Variants in CACNG2 observed in about 807,000 individuals in gnomAD.
CACNG2 encodes the protein voltage-dependent calcium channel gamma-2 subunit.
In CACNG2, 3 loss-of-function variants were observed where a neutral mutation model predicts 25.9. The observed-to-expected ratio is 0.12, with a 90% CI of 0.05 to 0.30. The LOEUF is 0.30. CACNG2 is among the 10% of genes least tolerant of loss of function. CACNG2 has a pLI of 1.00. For missense variants in CACNG2, 341 were observed against 432.5 expected, an observed-to-expected ratio of 0.79 and a Z score of 1.88; for synonymous variants, 167 against 173.3, an observed-to-expected ratio of 0.96 and a Z score of 0.29.
chr22:36,674,010 C>T (rs1936990452), intron 1 of CACNG2, among the ~76,000 whole-genome samples: 1 of 152,188 alleles, frequency 6.6e-6, no homozygotes, highest in East Asian at 1.9e-4. Context: ...TGGTGTGCCG[C>T]GGGCAGCCGT....
intron 2 of CACNG2, among the ~76,000 whole-genome samples, chr22:36,572,701 A>C (rs887642152): frequency 6.6e-6 from 1 of 150,536 alleles, no homozygotes; most frequent in African/African-American, 2.5e-5. Flanking sequence ...AGAGTGAGTG[A>C]GACTCCATCT....
chr22:36,693,163 G>A (rs1409736145), intron 1 of CACNG2, among the ~76,000 whole-genome samples: 1 of 152,092 alleles, frequency 6.6e-6, no homozygotes, highest in African/African-American at 2.4e-5. Flanking sequence ...GAAAAAAGGG[G>A]ACAGGACTTG....
At chr22:36,651,523 C>T (rs1457657960) in intron 1 of CACNG2, among the ~76,000 whole-genome samples, 2 of 152,140 alleles carry the variant, frequency 1.3e-5, no homozygotes, top group African/African-American at 2.4e-5. Context: ...GCCACTGAAC[C>T]TGGCCAATAA....
At chr22:36,684,934 G>A (rs115262906) in intron 1 of CACNG2, among the ~76,000 whole-genome samples, 5 of 152,128 alleles carry the variant, frequency 3.3e-5, no homozygotes, top group Non-Finnish European at 5.9e-5. Context: ...CAATCAATCC[G>A]GGAAGAAAGT....
At chr22:36,648,678 C>T (rs1313254959) in intron 1 of CACNG2, among the ~76,000 whole-genome samples, 2 of 152,186 alleles carry the variant, frequency 1.3e-5, no homozygotes, top group African/African-American at 4.8e-5. Context: ...ATTTCTTTAT[C>T]TGATTGAAGT....
At chr22:36,637,757 C>T (rs766277297) in intron 1 of CACNG2, among the ~76,000 whole-genome samples, 5 of 152,120 alleles carry the variant, frequency 3.3e-5, no homozygotes, top group Admixed American at 1.3e-4. Context: ...CGGTGGCTCA[C>T]GCCTGTAATC....
At chr22:36,590,498 C>T (rs1603501019) in intron 1 of CACNG2, among the ~76,000 whole-genome samples, 2 of 152,210 alleles carry the variant, frequency 1.3e-5, no homozygotes, top group East Asian at 1.9e-4. Context: ...ATCTCTTCCT[C>T]CTCCCTGCAG....
intron 2 of CACNG2, among the ~76,000 whole-genome samples, chr22:36,580,943 A>C (rs1005932087): frequency 6.6e-6 from 1 of 152,134 alleles, no homozygotes; most frequent in Non-Finnish European, 1.5e-5. Flanking sequence ...ACTCAAACAC[A>C]CAGACATGCG....
intron 1 of CACNG2, among the ~76,000 whole-genome samples, chr22:36,676,305 G>A (rs368707974): frequency 2.6e-5 from 4 of 152,268 alleles, no homozygotes; most frequent in South Asian, 2.1e-4. Flanking sequence ...GAATCTTAGC[G>A]GTGGCAGAAG....
chr22:36,588,034 A>C (rs550826763), intron 1 of CACNG2, among the ~76,000 whole-genome samples: 1 of 152,356 alleles, frequency 6.6e-6, no homozygotes, highest in African/African-American at 2.4e-5. Context: ...ACACTTTCCC[A>C]TCTGCAATTC....
intron 1 of CACNG2, among the ~76,000 whole-genome samples, chr22:36,701,417 C>T (rs1281702285): frequency 6.6e-6 from 1 of 152,074 alleles, no homozygotes; most frequent in African/African-American, 2.4e-5. Context: ...TAGCGTGATC[C>T]CCCAGCCTTT....
chr22:36,566,048 G>A (rs1450491458), intron 3 of CACNG2, among the ~76,000 whole-genome samples: 3 of 152,236 alleles, frequency 2.0e-5, no homozygotes, highest in African/African-American at 4.8e-5. Flanking sequence ...TACTTGCACC[G>A]GGAAGGGAAA....
intron 1 of CACNG2, among the ~76,000 whole-genome samples, chr22:36,595,965 C>A (rs1935672328): frequency 6.6e-6 from 1 of 152,240 alleles, no homozygotes; most frequent in South Asian, 2.1e-4. Context: ...GAGGAGGTTT[C>A]ATCAGCTTTG....
chr22:36,694,884 T>C (rs1449061919), intron 1 of CACNG2, among the ~76,000 whole-genome samples: 1 of 152,170 alleles, frequency 6.6e-6, no homozygotes, highest in Non-Finnish European at 1.5e-5. Context: ...AAGAAACCAC[T>C]GTATTCAGAT....
chr22:36,615,735 G>T (rs1410209966), intron 1 of CACNG2, among the ~76,000 whole-genome samples: 1 of 151,826 alleles, frequency 6.6e-6, no homozygotes, highest in Non-Finnish European at 1.5e-5. Flanking sequence ...ATAGACCCAT[G>T]ACTGGCATGT....
chr22:36,688,885 A>T (rs1172519172), intron 1 of CACNG2, among the ~76,000 whole-genome samples: 1 of 152,160 alleles, frequency 6.6e-6, no homozygotes, highest in African/African-American at 2.4e-5. Flanking sequence ...TCCCCAGGTG[A>T]TCTGTGTACA....
At chr22:36,683,561 T>G (rs1201485962) in intron 1 of CACNG2, among the ~76,000 whole-genome samples, 1 of 152,200 alleles carries the variant, frequency 6.6e-6, no homozygotes, top group East Asian at 1.9e-4. Flanking sequence ...ATTCCTGTTA[T>G]GACAAAACTG....
rs2145901714 is a variant in CACNG2 at position 36,563,379 on chromosome 22, G to T, written c.*972C>A. ...TTTCATGTCCCCCGGGGGGGGGGGTGGCATCTCCTGACCCCAAGGACAGGA... is the reference window on the plus strand; with the variant it reads ...TTTCATGTCCCCCGGGGGGGGGGGTTGCATCTCCTGACCCCAAGGACAGGA... On this transcript the variant is annotated 3_prime_UTR_variant, in exon 4 of 4. Coordinates refer to ENST00000300105, the MANE Select transcript of CACNG2 (RefSeq NM_006078.5). Among the ~76,000 whole-genome samples the T allele has an allele frequency of 7.3e-6, 1 of 136,918 alleles. No homozygotes were observed. The highest frequency in any genetic ancestry group is 2.0e-4 in the East Asian group (1 of 4,976). The allele number at this position is 136,918 out of a possible 152,430, so 89.8% of individuals were successfully genotyped here.
At chr22:36,669,658 C>T (rs995935191) in intron 1 of CACNG2, among the ~76,000 whole-genome samples, 1 of 152,098 alleles carries the variant, frequency 6.6e-6, no homozygotes, top group Non-Finnish European at 1.5e-5. Context: ...TCAGCACTCT[C>T]TTTCCATAGT....
Sources: gnomAD v4.1 joint callset for allele counts (sites outside exome capture counted in the v4.1 genomes callset) on GRCh38, gnomAD v4.1.1 for gene constraint, MANE v1.5 for transcripts, NCBI Gene and HGNC (gene_info 2026-07-23, HGNC 2026-07-21) for gene names.